ARSK: variants seen among roughly 807,000 people sequenced by gnomAD.
ARSK encodes arylsulfatase K.
A neutral mutation model predicts 53.2 loss-of-function variants in ARSK; 37 were observed. The ratio of observed to expected loss-of-function variants is 0.70; its 90% CI spans 0.54 to 0.92. The LOEUF is 0.92. ARSK is among the 40% of genes least tolerant of loss of function. The pLI is 0.00. For synonymous variants in ARSK, 208 were observed against 223.2 expected (o/e 0.93, Z 0.61); for missense variants, 613 against 643.0 (o/e 0.95, Z 0.51).
chr5:95,587,624 T>A (rs1239829682), intron 5 of ARSK, among the ~76,000 whole-genome samples: 2 of 152,118 alleles, frequency 1.3e-5, no homozygotes, highest in South Asian at 4.1e-4. Context: ...ATTGGCCAGG[T>A]ATAAAAATGT....
At chr5:95,568,231 CT>C (rs757013922) in intron 3 of ARSK, among the ~76,000 whole-genome samples, 182 bp downstream of exon 3, 16 of 152,116 alleles carry the variant, frequency 1.1e-4, no homozygotes, top group Non-Finnish European at 1.8e-4. Flanking sequence ...ATTAAAATGG[CT>C]AATATACTAG....
chr5:95,557,351 C>T (rs1748539919), intron 1 of ARSK, among the ~76,000 whole-genome samples: 1 of 152,166 alleles, frequency 6.6e-6, no homozygotes, highest in Admixed American at 6.5e-5. Context: ...CATACTGATA[C>T]TTTCCATTCA....
intron 1 of ARSK, among the ~76,000 whole-genome samples, chr5:95,564,439 A>G (rs1748693424): frequency 6.6e-6 from 1 of 152,046 alleles, no homozygotes; most frequent in African/African-American, 2.4e-5. Flanking sequence ...TTAATCCCAC[A>G]TTTTCTTCCA....
chr5:95,568,549 G>A (rs1748770079), intron 3 of ARSK, among the ~76,000 whole-genome samples: 1 of 152,242 alleles, frequency 6.6e-6, no homozygotes, highest in Middle Eastern at 3.4e-3. Context: ...TTTACTACTA[G>A]CATTGTAGTA....
chr5:95,591,382 A>G lies in ARSK; in HGVS notation c.872-19A>G. On this transcript the variant is annotated intron_variant, in intron 5 of 7. Coordinates refer to ENST00000380009, the MANE Select transcript of ARSK (RefSeq NM_198150.3). Reference sequence around the variant, plus strand: ...ATGAACTGAAAGTTTTAATCGGTTTATCATGATTTCTATTGTAGGTGAAAT... The same window carrying G: ...ATGAACTGAAAGTTTTAATCGGTTTGTCATGATTTCTATTGTAGGTGAAAT... 1 of 1,577,542 alleles carries G rather than the reference A, an allele frequency of 6.3e-7. No homozygotes were observed. The highest frequency in any genetic ancestry group is 1.1e-5 in the South Asian group (1 of 90,322).
At chr5:95,566,813 A>G (rs1413991477) in intron 2 of ARSK, among the ~76,000 whole-genome samples, 1 of 152,144 alleles carries the variant, frequency 6.6e-6, no homozygotes, top group African/African-American at 2.4e-5. Context: ...GGAACACATA[A>G]ATGGCACTCA....
intron 5 of ARSK, among the ~76,000 whole-genome samples, chr5:95,588,729 C>G (rs1288458302): frequency 6.6e-6 from 1 of 151,776 alleles, no homozygotes; most frequent in Admixed American, 6.6e-5. Flanking sequence ...TTTGGGAGGC[C>G]GAGGCAAGCG....
chr5:95,558,986 C>G (rs1415629953), intron 1 of ARSK, among the ~76,000 whole-genome samples: 1 of 151,968 alleles, frequency 6.6e-6, no homozygotes, highest in Non-Finnish European at 1.5e-5. Flanking sequence ...ACTAAAAATA[C>G]AAAAATTAGC....
Position 95,603,452 on chromosome 5 carries a change from C to T in ARSK, c.1537C>T (p.Gln513Ter), listed in dbSNP as rs180689160. Residue 513 changes from glutamine (Q) to a stop codon, truncating the protein, a stop_gained, in exon 8 of 8, where the codon CAG becomes TAG. Transcript: ENST00000380009. LOFTEE classifies it low-confidence loss of function (END_TRUNC). ...IANLRWHQDW[Q>*]KEPRKYENAI... ...AAATCTTAGGTGGCACCAAGACTGGCAGAAGGAACCAAGGAAGTATGAAAA... is the reference window on the plus strand; with the variant it reads ...AAATCTTAGGTGGCACCAAGACTGGTAGAAGGAACCAAGGAAGTATGAAAA... 2 of 1,613,488 alleles carry T rather than the reference C, an allele frequency of 1.2e-6. No homozygotes were observed. The highest frequency in any genetic ancestry group is 3.3e-5 in the Admixed American group (2 of 59,950).
intron 2 of ARSK, among the ~76,000 whole-genome samples, chr5:95,567,486 G>T (rs2112417167): frequency 6.6e-6 from 1 of 152,278 alleles, no homozygotes; most frequent in Non-Finnish European, 1.5e-5. Context: ...AAAAGGACAG[G>T]GAATAAGGGA....
chr5:95,583,177 A>G lies in ARSK; in HGVS notation c.678A>G (p.Thr226=). Residue 226 remains threonine (T), a synonymous_variant, in exon 4 of 8, where the codon ACA becomes ACG. Coordinates refer to ENST00000380009, the MANE Select transcript of ARSK (RefSeq NM_198150.3). ...ATTTTGGATCTTCAACATTTCACAC[A>G]TCTCTTTATTGGCTTGAAAAAGTAA... ...GENFGSSTFH[T]SLYWLEKVSH... 2 of 1,583,716 alleles carry G rather than the reference A, an allele frequency of 1.3e-6. No homozygotes were observed. Among genetic ancestry groups the G allele is most frequent in the Non-Finnish European group, 1.7e-6 (2 of 1,160,904 alleles).
chr5:95,562,136 A>G (rs1488380403), intron 1 of ARSK, among the ~76,000 whole-genome samples: 1 of 152,198 alleles, frequency 6.6e-6, no homozygotes. Flanking sequence ...GCTTAAACCT[A>G]GAATACAGAG....
At chr5:95,586,462 C>A in intron 4 of ARSK, 100 bp from the exon 5 acceptor site, 1 of 913,774 alleles carries the variant, frequency 1.1e-6, no homozygotes, top group East Asian at 2.6e-5. Context: ...TTCTACTATT[C>A]TAAGTAATTA....
chr5:95,579,554 A>AGT (rs1748988539), intron 3 of ARSK, among the ~76,000 whole-genome samples: 1 of 152,236 alleles, frequency 6.6e-6, no homozygotes, highest in East Asian at 1.9e-4. Context: ...CTCCCACAAC[A>AGT]TGTGGGAATT....
chr5:95,588,429 G>A (rs1020277952), intron 5 of ARSK, among the ~76,000 whole-genome samples: 4 of 151,602 alleles, frequency 2.6e-5, no homozygotes, highest in Non-Finnish European at 2.9e-5. Context: ...TAGAGACGGG[G>A]TTTCACCATG....
chr5:95,599,647 T>G (rs538473000), intron 6 of ARSK, among the ~76,000 whole-genome samples: 1 of 152,252 alleles, frequency 6.6e-6, no homozygotes, highest in East Asian at 1.9e-4. Context: ...TTTCCTTATC[T>G]CTGAACAAAA....
intron 6 of ARSK, among the ~76,000 whole-genome samples, chr5:95,592,403 C>A (rs1169364563): frequency 6.6e-6 from 1 of 152,086 alleles, no homozygotes; most frequent in East Asian, 1.9e-4. Flanking sequence ...AATCAGAGTT[C>A]TTTTTATCTG....
chr5:95,556,660 T>C (rs1339228335), intron 1 of ARSK: 3 of 160,158 alleles, frequency 1.9e-5, no homozygotes, highest in African/African-American at 7.2e-5. Context: ...TATAGGTTTG[T>C]TATTTTTTTT....
At chr5:95,578,276 C>T (rs1748960621) in intron 3 of ARSK, among the ~76,000 whole-genome samples, 1 of 151,918 alleles carries the variant, frequency 6.6e-6, no homozygotes, top group Admixed American at 6.6e-5. Flanking sequence ...GTCAGCCTCC[C>T]AAGTAGCTAG....
Sources: gnomAD v4.1 joint callset for allele counts (sites outside exome capture counted in the v4.1 genomes callset) on GRCh38, gnomAD v4.1.1 for gene constraint, MANE v1.5 for transcripts, NCBI Gene and HGNC (gene_info 2026-07-23, HGNC 2026-07-21) for gene names.